Variants in CBL observed in about 807,000 individuals in gnomAD.
The protein encoded by CBL is E3 ubiquitin-protein ligase CBL.
CBL carries 45 observed loss-of-function variants against 96.9 expected under a neutral mutation model. That is an observed-to-expected ratio of 0.46 (90% confidence interval 0.37 to 0.60). The LOEUF (loss-of-function observed/expected upper bound fraction) is 0.60. Ranked by LOEUF, CBL falls within the 20% of genes least tolerant of loss-of-function variation. CBL has a pLI of 0.00. For missense variants in CBL, 1,024 were observed against 1,143.5 expected, an observed-to-expected ratio of 0.90 and a Z score of 1.51; for synonymous variants, 420 against 426.8, an observed-to-expected ratio of 0.98 and a Z score of 0.20.
In CBL at chr11:119,298,535, C is replaced by A; in HGVS notation, c.2429C>A (p.Thr810Lys). The A allele has an allele frequency of 6.2e-7, 1 of 1,614,070 alleles. No homozygotes were observed. Among genetic ancestry groups the A allele is most frequent in the Non-Finnish European group, 8.5e-7 (1 of 1,179,908 alleles). The change falls in exon 15 of 16, where the codon ACA becomes AAA. Residue 810 changes from threonine to lysine, a missense_variant. Thr to Lys is a moderately conservative substitution (Grantham distance 78). This residue lies in a region of CBL where 695 missense variants were observed against 661.6 expected (regional missense o/e 1.05). Coordinates refer to ENST00000264033, the MANE Select transcript of CBL (RefSeq NM_005188.4). The part of the protein sequence containing the change: ...FGWLSLDGDP[T>K]TNVTEGSQVP... ...TGGTTGTCTCTGGATGGTGATCCTACAACAAGTGAGTCTCCAGACTACTTT... is the reference window on the plus strand; with the variant it reads ...TGGTTGTCTCTGGATGGTGATCCTAAAACAAGTGAGTCTCCAGACTACTTT...
rs1950096253 is a variant in CBL, at chr11:119,300,755, G to A, written c.*974G>A. 2.5e-6 allele frequency: 1 copy of A among 393,664 alleles called. No homozygotes were observed. Among genetic ancestry groups the A allele is most frequent in the African/African-American group, 2.1e-5 (1 of 48,550 alleles). The allele number at this position is 393,664 out of a possible 1,614,324, so 24.4% of individuals were successfully genotyped here. A position where few individuals can be genotyped will look rare whatever the true frequency, so the allele number is the denominator to read the frequency against. The stretch of plus-strand genomic sequence containing the variant: ...AGTCAGTTGCCTTGGTGCCAGGTAT[G>A]TGTTCTGATGTAGGTCATGAGTCTT... On this transcript the variant is annotated 3_prime_UTR_variant, in exon 16 of 16. Coordinates refer to ENST00000264033, the MANE Select transcript of CBL (RefSeq NM_005188.4).
Position 119,302,316 on chromosome 11 carries a change from A to G in CBL, c.*2535A>G, listed in dbSNP as rs1251416655. On this transcript the variant is annotated 3_prime_UTR_variant, in exon 16 of 16. Transcript: ENST00000264033. ...CCAGGCAAGATTAAGGAAAGTTTTC[A>G]TGTGGCTTTTGTTTTGAGGTTATTC... is the stretch of plus-strand genomic sequence containing the variant. 4 of 232,570 alleles carry G rather than the reference A, an allele frequency of 1.7e-5. No individual in the cohort carries two copies. The East Asian group carries it at 2.4e-4, about 14-fold the overall frequency. The allele number at this position is 232,570 out of a possible 1,614,324, so 14.4% of individuals were successfully genotyped here.
chr11:119,271,662 G>A (rs114337885), intron 2 of CBL, 73 bp from the exon 3 acceptor site: 10 of 1,216,658 alleles, frequency 8.2e-6, no homozygotes, highest in Admixed American at 6.9e-5. Flanking sequence ...TATACATCTT[G>A]TATGGTGAAT....
chr11:119,302,827 A>T lies in CBL; in HGVS notation c.*3046A>T. On this transcript the variant is annotated 3_prime_UTR_variant, in exon 16 of 16. Transcript: ENST00000264033. ...TTTACCTGTTAATATTTTTGTGAATAGTGCTCTCTACCTGTGGGTGGCCGT... is the reference window on the plus strand; with the variant it reads ...TTTACCTGTTAATATTTTTGTGAATTGTGCTCTCTACCTGTGGGTGGCCGT... 1 of 231,094 alleles carries T rather than the reference A, an allele frequency of 4.3e-6. No individual in the cohort carries two copies. Among genetic ancestry groups the T allele is most frequent in the Non-Finnish European group, 8.6e-6 (1 of 116,730 alleles). The allele number at this position is 231,094 out of a possible 1,614,324, so 14.3% of individuals were successfully genotyped here.
At position 119,299,505 on chromosome 11, in the gene CBL, A is replaced by G. The variant is rs1565272928; in HGVS notation, c.2445A>G (p.Glu815=). The change falls in exon 16 of 16, where the codon GAA becomes GAG. Residue 815 remains glutamate, a synonymous_variant. Transcript: ENST00000264033. The part of the protein sequence containing the change: ...LDGDPTTNVT[E]GSQVPERPPK... Reference sequence around the variant, plus strand: ...TCCTATTTCTTCTAGATGTCACTGAAGGTTCCCAAGTTCCCGAGAGGCCTC... The same window carrying G: ...TCCTATTTCTTCTAGATGTCACTGAGGGTTCCCAAGTTCCCGAGAGGCCTC... 6 of 1,614,128 alleles carry G rather than the reference A, an allele frequency of 3.7e-6. No homozygotes were observed. The highest frequency in any genetic ancestry group is 1.7e-6 in the Non-Finnish European group (2 of 1,179,960).
chr11:119,295,723 G>C (rs1324073794), intron 12 of CBL, among the ~76,000 whole-genome samples: 1 of 152,070 alleles, frequency 6.6e-6, no homozygotes, highest in African/African-American at 2.4e-5. Flanking sequence ...GTTTCTTTCT[G>C]AATATGGACT....
At chr11:119,206,846 T>C (rs1949273797) in intron 1 of CBL, among the ~76,000 whole-genome samples, 1 of 151,464 alleles carries the variant, frequency 6.6e-6, no homozygotes, top group Non-Finnish European at 1.5e-5. Flanking sequence ...GGTGCCGCGT[T>C]TGGGGTAGCC....
chr11:119,294,359 GT>G (rs1950049343), intron 12 of CBL, among the ~76,000 whole-genome samples: 1 of 151,612 alleles, frequency 6.6e-6, no homozygotes, highest in Non-Finnish European at 1.5e-5. Flanking sequence ...AATCTGGGAA[GT>G]GGAGGTTGCA....
At position 119,298,391 on chromosome 11, in the gene CBL, C is replaced by G. The variant is rs751292391; in HGVS notation, c.2285C>G (p.Thr762Ser). ...AATTTGGCCGCAGCCCATGCCAACA[C>G]TGGTCCCGAGGAGTCAGAAAATGAG... ...EGNLAAAHAN[T>S]GPEESENEDD... Residue 762 changes from threonine (T) to serine (S), a missense_variant, in exon 15 of 16, where the codon ACT (threonine) becomes AGT (serine). Physicochemically the swap from Thr to Ser is moderately conservative, Grantham distance 58. Transcript: ENST00000264033. The G allele has an allele frequency of 3.7e-6, 6 of 1,614,110 alleles. No homozygotes were observed. Among genetic ancestry groups the G allele is most frequent in the Non-Finnish European group, 5.1e-6 (6 of 1,180,046 alleles).
chr11:119,278,410 C>CT, intron 8 of CBL, 100 bp from the exon 9 acceptor site: 2 of 1,547,948 alleles, frequency 1.3e-6, no homozygotes, highest in Non-Finnish European at 1.8e-6. Context: ...TAGGTTTAAA[C>CT]TTTTACTTTT....
chr11:119,214,711 T>C (rs1004894002), intron 1 of CBL, among the ~76,000 whole-genome samples: 1 of 152,238 alleles, frequency 6.6e-6, no homozygotes, highest in African/African-American at 2.4e-5. Flanking sequence ...TTATACTTAA[T>C]TTATGTTGTC....
intron 11 of CBL, 128 bp from the exon 12 acceptor site, chr11:119,287,724 A>G (rs1949994572): frequency 4.1e-6 from 3 of 724,542 alleles, no homozygotes; most frequent in Non-Finnish European, 7.6e-6. Context: ...GTCAGATGTG[A>G]TAACCCCTGG....
chr11:119,252,317 A>AT (rs376050934), intron 2 of CBL, among the ~76,000 whole-genome samples: 53 of 151,962 alleles, frequency 3.5e-4, no homozygotes, highest in African/African-American at 1.3e-3. Flanking sequence ...TATTTATGGT[A>AT]TTTTTTTCAG....
At chr11:119,232,425 C>T (rs2135266077) in intron 1 of CBL, 23 bp from the exon 2 acceptor site, 2 of 1,611,706 alleles carry the variant, frequency 1.2e-6, no homozygotes, top group Non-Finnish European at 1.7e-6. Flanking sequence ...CAAGTAATAG[C>T]CCTTCTTTTT....
In CBL at chr11:119,241,115, C is replaced by G. The variant is rs989341739; in HGVS notation, c.443+8420C>G. Among the ~76,000 whole-genome samples, 29 of 152,086 alleles carry G rather than the reference C, an allele frequency of 1.9e-4. 1 individual carries two copies. Among genetic ancestry groups the G allele is most frequent in the Non-Finnish European group, 4.4e-5 (3 of 67,962 alleles). ...TAAAAAAGAATGTACATAATTCTATCTATTATTGTATAGTATTGTTGCTTC... is the reference window on the plus strand; with the variant it reads ...TAAAAAAGAATGTACATAATTCTATGTATTATTGTATAGTATTGTTGCTTC... On this transcript the variant is annotated intron_variant, in intron 2 of 15. Coordinates refer to ENST00000264033, the MANE Select transcript of CBL (RefSeq NM_005188.4).
At chr11:119,294,335 A>C (rs1369048600) in intron 12 of CBL, among the ~76,000 whole-genome samples, 2 of 151,356 alleles carry the variant, frequency 1.3e-5, no homozygotes. Context: ...AGGCTGGGGC[A>C]GGAGAAATGC....
At chr11:119,290,918 C>T (rs905833760) in intron 12 of CBL, among the ~76,000 whole-genome samples, 1 of 151,848 alleles carries the variant, frequency 6.6e-6, no homozygotes, top group African/African-American at 2.4e-5. Flanking sequence ...CTTCAAGTGA[C>T]CTGCCTGCCT....
chr11:119,223,007 C>T lies in CBL; in HGVS notation c.196-9441C>T, dbSNP rs964840817. ...CCTGGGTAACATAGTGAGGCCCTAT[C>T]GCTGCAAAAAATAGTTTAAAAAATT... On this transcript the variant is annotated intron_variant, in intron 1 of 15. Coordinates refer to ENST00000264033, the MANE Select transcript of CBL (RefSeq NM_005188.4). Among the ~76,000 whole-genome samples the T allele has an allele frequency of 2.6e-5, 4 of 151,754 alleles. No homozygotes were observed. In the East Asian group the frequency reaches 5.8e-4, roughly 22 times the overall value.
chr11:119,232,031 G>A (rs1592377324), intron 1 of CBL, among the ~76,000 whole-genome samples: 1 of 152,126 alleles, frequency 6.6e-6, no homozygotes, highest in African/African-American at 2.4e-5. Flanking sequence ...GAATCTGGGG[G>A]TTTGAGGCTG....
Sources: gnomAD v4.1 joint callset for allele counts (sites outside exome capture counted in the v4.1 genomes callset) on GRCh38, gnomAD v4.1.1 for gene constraint, gnomAD v4.1.1 regional missense constraint, MANE v1.5 for transcripts, NCBI Gene and HGNC (gene_info 2026-07-23, HGNC 2026-07-21) for gene names.